ABCC9: variants seen among roughly 807,000 people sequenced by gnomAD.
ABCC9 encodes the protein ATP-binding cassette sub-family C member 9.
In ABCC9, 95 loss-of-function variants were observed where a neutral mutation model predicts 188.3. The ratio of observed to expected loss-of-function variants is 0.50; its 90% CI spans 0.43 to 0.60. The LOEUF is 0.60. Ranked by LOEUF, ABCC9 falls within the 20% of genes least tolerant of loss-of-function variation. The pLI is 0.00. For missense variants in ABCC9, 1,102 were observed against 1,876.3 expected, an observed-to-expected ratio of 0.59 and a Z score of 7.62; for synonymous variants, 659 against 652.7, an observed-to-expected ratio of 1.01 and a Z score of -0.15.
chr12:21,883,057 C>T (rs558861677), intron 15 of ABCC9, among the ~76,000 whole-genome samples, 184 bp from the exon 16 acceptor site: 1 of 152,304 alleles, frequency 6.6e-6, no homozygotes, highest in African/African-American at 2.4e-5. Context: ...AAACCTCATT[C>T]ACATGCCTCT....
chr12:21,860,347 A>G (rs771997536), intron 21 of ABCC9, among the ~76,000 whole-genome samples: 2 of 152,216 alleles, frequency 1.3e-5, no homozygotes, highest in African/African-American at 2.4e-5. Context: ...CTACCTTGGC[A>G]ACTGTGCAAG....
chr12:21,923,753 C>A (rs1053597462), intron 5 of ABCC9: 1 of 672,724 alleles, frequency 1.5e-6, no homozygotes, highest in African/African-American at 1.8e-5. Context: ...TTGTATGACC[C>A]AGAGATTTCA....
At position 21,798,765 on chromosome 12, in the gene ABCC9, A is replaced by G. The variant is rs1270945048; in HGVS notation, c.*2279T>C. ...TTACTGGGTATATACCCAAATGACT[A>G]TAAATCATGCTGCTATAAAGACACA... On this transcript the variant is annotated 3_prime_UTR_variant, in exon 40 of 40. Coordinates refer to ENST00000261200, the MANE Select transcript of ABCC9 (RefSeq NM_020297.4). 1 of 148,364 alleles carries G rather than the reference A, an allele frequency of 6.7e-6. No homozygotes were observed. The highest frequency in any genetic ancestry group is 6.8e-5 in the Admixed American group (1 of 14,700). The allele number at this position is 148,364 out of a possible 1,614,324, so 9.2% of individuals were successfully genotyped here. A position where few individuals can be genotyped will look rare whatever the true frequency, so the allele number is the denominator to read the frequency against.
rs1384960260 is a variant in ABCC9 at position 21,933,868 on chromosome 12, A to C, written c.198T>G (p.Phe66Leu). Residue 66 changes from phenylalanine to leucine, a missense_variant, in exon 4 of 40, where the codon TTT (phenylalanine) becomes TTG (leucine). Physicochemically the swap from Phe to Leu is conservative, Grantham distance 22. Around this residue, in one of 12 missense-constraint regions of ABCC9, gnomAD observed 305 missense variants for 573.0 expected, o/e 0.53. Coordinates refer to ENST00000261200, the MANE Select transcript of ABCC9 (RefSeq NM_020297.4). ...VQIHHNTWLH[F>L]PGHNLRWILT... ...GAATCCATCTCAGGTTATGTCCCGG[A>C]AAATGAAGCCATGTGTTGTGGTGAA... The C allele has an allele frequency of 6.2e-7, 1 of 1,613,726 alleles. No individual in the cohort carries two copies. The highest frequency in any genetic ancestry group is 1.7e-5 in the Admixed American group (1 of 60,000).
Position 21,801,037 on chromosome 12 carries a change from C to T in ABCC9, c.*7G>A, listed in dbSNP as rs180770035. 4.5e-5 allele frequency: 72 copies of T among 1,613,680 alleles called. No individual in the cohort carries two copies. The African/African-American group carries it at 8.9e-4, about 20-fold the overall frequency. On this transcript the variant is annotated 3_prime_UTR_variant, in exon 40 of 40. Coordinates refer to ENST00000261200, the MANE Select transcript of ABCC9 (RefSeq NM_020297.4). ...TTTAAATACATGTATTGTTTTAAGACACTCCTTCACATGTCTGCGCGAACA... is the reference window on the plus strand; with the variant it reads ...TTTAAATACATGTATTGTTTTAAGATACTCCTTCACATGTCTGCGCGAACA...
At position 21,917,122 on chromosome 12, in the gene ABCC9, A is replaced by G. The variant is rs889155960; in HGVS notation, c.407-19T>C. 6.2e-7 allele frequency: 1 copy of G among 1,612,490 alleles called. No homozygotes were observed. The highest frequency in any genetic ancestry group is 8.5e-7 in the Non-Finnish European group (1 of 1,178,798). The stretch of plus-strand genomic sequence containing the variant: ...AACAGGGCTGAAAAGAAAAAGACAA[A>G]AAGAGAAAGATGCAATCTTTTCTTA... On this transcript the variant is annotated intron_variant, in intron 5 of 39. Transcript: ENST00000261200.
At chr12:21,932,196 CA>C (rs1949315913) in intron 4 of ABCC9, among the ~76,000 whole-genome samples, 2 of 151,548 alleles carry the variant, frequency 1.3e-5, no homozygotes, top group South Asian at 4.3e-4. Context: ...ATATTTTCAC[CA>C]GATTATGTTC....
intron 19 of ABCC9, among the ~76,000 whole-genome samples, chr12:21,863,615 C>A (rs1370817237): frequency 6.6e-6 from 1 of 152,116 alleles, no homozygotes; most frequent in Non-Finnish European, 1.5e-5. Context: ...CTGCATATTT[C>A]AAAATATATT....
chr12:21,803,538 C>T (rs1162640024), intron 39 of ABCC9, among the ~76,000 whole-genome samples: 1 of 151,416 alleles, frequency 6.6e-6, no homozygotes, highest in African/African-American at 2.4e-5. Context: ...GCCTGCAACC[C>T]CAGCTACTCG....
rs1320933213 is a variant in ABCC9 at position 21,797,496 on chromosome 12, A to C, written c.*3548T>G. On this transcript the variant is annotated 3_prime_UTR_variant, in exon 40 of 40. Coordinates refer to ENST00000261200, the MANE Select transcript of ABCC9 (RefSeq NM_020297.4). ...TGTAGAGAACAAATACATTTTATATATTGTAGAGAATAAATAGAATAAACA... is the reference window on the plus strand; with the variant it reads ...TGTAGAGAACAAATACATTTTATATCTTGTAGAGAATAAATAGAATAAACA... The C allele has an allele frequency of 6.6e-6, 1 of 152,236 alleles. No individual in the cohort carries two copies. The highest frequency in any genetic ancestry group is 1.5e-5 in the Non-Finnish European group (1 of 68,040). 9.4% of individuals were successfully genotyped at this position (152,236 alleles called of 1,614,324 possible).
chr12:21,847,326 T>A (rs551436967), intron 25 of ABCC9, among the ~76,000 whole-genome samples: 60 of 152,210 alleles, frequency 3.9e-4, no homozygotes, highest in Non-Finnish European at 6.0e-4. Flanking sequence ...TTTAAGAACA[T>A]TTTTAATCAT....
intron 12 of ABCC9, among the ~76,000 whole-genome samples, chr12:21,905,108 A>T (rs1947968946): frequency 1.3e-5 from 2 of 152,184 alleles, no homozygotes; most frequent in African/African-American, 4.8e-5. Context: ...ATAAAAAAGG[A>T]TGAGTTCATG....
chr12:21,838,205 G>C lies in ABCC9; in HGVS notation c.3474-35C>G, dbSNP rs1268651135. The C allele has an allele frequency of 2.2e-6, 3 of 1,356,842 alleles. No homozygotes were observed. The South Asian group carries it at 3.5e-5, about 16-fold the overall frequency. The allele number at this position is 1,356,842 out of a possible 1,614,324, so 84.1% of individuals were successfully genotyped here. A position where few individuals can be genotyped will look rare whatever the true frequency, so the allele number is the denominator to read the frequency against. On this transcript the variant is annotated intron_variant, in intron 29 of 39. Coordinates refer to ENST00000261200, the MANE Select transcript of ABCC9 (RefSeq NM_020297.4). ...AGAGGGGCAAAAATAAACTTCATGT[G>C]CATCCAGACTCAAAGACTACCATGT...
At position 21,801,036 on chromosome 12, in the gene ABCC9, A is replaced by T. The variant is rs1941402332; in HGVS notation, c.*8T>A. On this transcript the variant is annotated 3_prime_UTR_variant, in exon 40 of 40. Transcript: ENST00000261200. ...TTTTAAATACATGTATTGTTTTAAG[A>T]CACTCCTTCACATGTCTGCGCGAAC... is the stretch of plus-strand genomic sequence containing the variant. 1 of 1,613,608 alleles carries T rather than the reference A, an allele frequency of 6.2e-7. No homozygotes were observed. Among genetic ancestry groups the T allele is most frequent in the Admixed American group, 1.7e-5 (1 of 59,988 alleles).
Position 21,862,944 on chromosome 12 carries a change from C to T in ABCC9, c.2339+9G>A. Reference sequence around the variant, plus strand: ...ATTTTGGTTCTAAATTTTATATGCTCAAAATTACCTCTGTTTGTTAAAAGG... The same window carrying T: ...ATTTTGGTTCTAAATTTTATATGCTTAAAATTACCTCTGTTTGTTAAAAGG... On this transcript the variant is annotated intron_variant, in intron 20 of 39. Transcript: ENST00000261200. The T allele has an allele frequency of 6.4e-7, 1 of 1,566,230 alleles. No individual in the cohort carries two copies. Among genetic ancestry groups the T allele is most frequent in the South Asian group, 1.1e-5 (1 of 90,044 alleles).
At position 21,815,863 on chromosome 12, in the gene ABCC9, T is replaced by C. The variant is rs143091422; in HGVS notation, c.3923A>G (p.Gln1308Arg). Residue 1308 changes from glutamine to arginine, a missense_variant, in exon 34 of 40, where the codon CAA (glutamine) becomes CGA (arginine). By Grantham distance (43) the Gln-to-Arg change is conservative (BLOSUM62 1). Transcript: ENST00000261200. ...ATCATGTATCTTGATCTCCCCTTCT[T>C]GTGGCCAATGTTCTGGAACTTGAGA... ...DPSQVPEHWP[Q>R]EGEIKIHDLC... 3.1e-6 allele frequency: 5 copies of C among 1,613,344 alleles called. No homozygotes were observed. The highest frequency in any genetic ancestry group is 4.2e-6 in the Non-Finnish European group (5 of 1,179,604).
chr12:21,907,196 T>C lies in ABCC9; in HGVS notation c.1455+881A>G, dbSNP rs1416721506. ...AAAGACAGATGTTTGGGAATCATCA[T>C]ATCTCTCCTAAGCTCCCCTTCCACA... On this transcript the variant is annotated intron_variant, in intron 11 of 39. Coordinates refer to ENST00000261200, the MANE Select transcript of ABCC9 (RefSeq NM_020297.4). 2.0e-5 allele frequency among the ~76,000 whole-genome samples: 3 copies of C among 152,062 alleles called. No homozygotes were observed. In the East Asian group the frequency reaches 5.8e-4, roughly 29 times the overall value.
At chr12:21,846,283 G>A (rs959248537) in intron 25 of ABCC9, among the ~76,000 whole-genome samples, 1 of 152,208 alleles carries the variant, frequency 6.6e-6, no homozygotes, top group Admixed American at 6.5e-5. Flanking sequence ...GCCCCAAGGA[G>A]GAAACTTCCA....
rs1946960010 is a variant in ABCC9 at position 21,887,896 on chromosome 12, A to G, written c.1841T>C (p.Ile614Thr). 4 of 1,613,480 alleles carry G rather than the reference A, an allele frequency of 2.5e-6. No individual in the cohort carries two copies. Among genetic ancestry groups the G allele is most frequent in the Non-Finnish European group, 3.4e-6 (4 of 1,179,518 alleles). The change falls in exon 15 of 40, where the codon ATT becomes ACT. Residue 614 changes from isoleucine to threonine, a missense_variant. Ile to Thr is a moderately conservative substitution (Grantham distance 89). This residue lies in a region of ABCC9 where 258 missense variants were observed against 325.6 expected (regional missense o/e 0.79). Transcript: ENST00000261200. Reference sequence around the variant, plus strand: ...ACCAGTTCGCCAACTGTCGTCACCAATCTCATCACTCAAGAGAAACTCATT... The same window carrying G: ...ACCAGTTCGCCAACTGTCGTCACCAGTCTCATCACTCAAGAGAAACTCATT... ...KLNEFLLSDE[I>T]GDDSWRTGES...
Sources: gnomAD v4.1 joint callset for allele counts (sites outside exome capture counted in the v4.1 genomes callset) on GRCh38, gnomAD v4.1.1 for gene constraint, gnomAD v4.1.1 regional missense constraint, MANE v1.5 for transcripts, NCBI Gene and HGNC (gene_info 2026-07-23, HGNC 2026-07-21) for gene names.